The following CADM2 variants were observed in gnomAD, a reference collection of about 807,000 sequenced individuals.
The protein encoded by CADM2 is immunoglobulin superfamily member 4D.
Under a neutral mutation model 49.8 loss-of-function variants are expected in CADM2, and 12 were observed. The ratio of observed to expected loss-of-function variants is 0.24; its 90% CI spans 0.15 to 0.39. CADM2 has a LOEUF of 0.39. Among genes scored for constraint, CADM2 ranks in the 10% least tolerant of loss-of-function variants. CADM2 has a pLI of 1.00. For missense variants in CADM2, 378 were observed against 492.3 expected (o/e 0.77, Z 2.20); for synonymous variants, 214 against 175.4 (o/e 1.22, Z -1.74).
At chr3:84,965,942 T>G (rs2030947410) in intron 1 of CADM2, among the ~76,000 whole-genome samples, 1 of 152,204 alleles carries the variant, frequency 6.6e-6, no homozygotes, top group South Asian at 2.1e-4. Flanking sequence ...TCTGATATGT[T>G]CTCTAAAAAT....
chr3:85,063,598 T>C (rs1208921560), intron 1 of CADM2, among the ~76,000 whole-genome samples: 2 of 151,992 alleles, frequency 1.3e-5, no homozygotes, highest in Admixed American at 6.6e-5. Context: ...AGACAACTAA[T>C]AGAAGGTACA....
intron 1 of CADM2, among the ~76,000 whole-genome samples, chr3:85,615,355 C>T (rs939168889): frequency 5.9e-5 from 9 of 151,956 alleles, no homozygotes; most frequent in African/African-American, 2.2e-4. Context: ...GTGACTTTGT[C>T]AACCTTTGTA....
chr3:85,713,715 A>G (rs2067194442), intron 1 of CADM2, among the ~76,000 whole-genome samples: 1 of 152,204 alleles, frequency 6.6e-6, no homozygotes, highest in African/African-American at 2.4e-5. Context: ...CATCACATCT[A>G]AAGAATTTAA....
At chr3:84,969,003 T>C (rs1170377661) in intron 1 of CADM2, among the ~76,000 whole-genome samples, 1 of 152,022 alleles carries the variant, frequency 6.6e-6, no homozygotes, top group Admixed American at 6.6e-5. Flanking sequence ...GAGACAGACA[T>C]CTTTTTCTTA....
Position 85,787,489 on chromosome 3 carries a change from A to T in CADM2, c.89-14558A>T, listed in dbSNP as rs1167055752. Among the ~76,000 whole-genome samples, 3 of 152,186 alleles carry T rather than the reference A, an allele frequency of 2.0e-5. 1 individual carries two copies. In the East Asian group the frequency reaches 5.8e-4, roughly 29 times the overall value. On this transcript the variant is annotated intron_variant, in intron 2 of 9. Transcript: ENST00000383699. ...CATTCCTTGGTGTTGGACAAGGGGT[A>T]TTGGTTCCAGAACCCTGACTATACC...
At chr3:84,988,208 G>T (rs1221962518) in intron 1 of CADM2, among the ~76,000 whole-genome samples, 1 of 152,184 alleles carries the variant, frequency 6.6e-6, no homozygotes, top group Non-Finnish European at 1.5e-5. Context: ...AGAGGCATTT[G>T]CTTCTCCTGA....
intron 5 of CADM2, among the ~76,000 whole-genome samples, chr3:85,905,398 G>A (rs932449699): frequency 6.6e-6 from 1 of 152,096 alleles, no homozygotes; most frequent in African/African-American, 2.4e-5. Context: ...ATCAATTAAA[G>A]ACTGACAACT....
chr3:85,105,812 G>A (rs2038200024), intron 1 of CADM2, among the ~76,000 whole-genome samples: 1 of 152,100 alleles, frequency 6.6e-6, no homozygotes, highest in South Asian at 2.1e-4. Flanking sequence ...GATGAAATTG[G>A]AAATCATCAT....
At position 86,046,059 on chromosome 3, in the gene CADM2, C is replaced by T. The variant is rs116049628; in HGVS notation, c.971-19546C>T. Among the ~76,000 whole-genome samples the T allele has an allele frequency of 4.3e-3, 659 of 152,094 alleles. 2 individuals carry two copies. Among genetic ancestry groups the T allele is most frequent in the African/African-American group, 0.015 (625 of 41,492 alleles). ...GAATGTAGTTCAGTTCAATACTGAA[C>T]TGAGATTGAACAAAATGTAGCTGAA... On this transcript the variant is annotated intron_variant, in intron 8 of 9. Coordinates refer to ENST00000383699, the MANE Select transcript of CADM2 (RefSeq NM_001167675.2).
intron 1 of CADM2, among the ~76,000 whole-genome samples, chr3:85,725,157 G>A (rs2067650409): frequency 6.6e-6 from 1 of 151,810 alleles, no homozygotes; most frequent in Non-Finnish European, 1.5e-5. Flanking sequence ...TAGTTAAGAT[G>A]TTTTTGTCTG....
intron 1 of CADM2, among the ~76,000 whole-genome samples, chr3:85,012,430 C>A (rs1285879655): frequency 6.7e-6 from 1 of 149,702 alleles, no homozygotes; most frequent in African/African-American, 2.4e-5. Context: ...TTTTTTCAGC[C>A]CCTTAAGACT....
Position 85,121,267 on chromosome 3 carries a change from G to T in CADM2, c.61+161599G>T, listed in dbSNP as rs370688296. 7.9e-5 allele frequency among the ~76,000 whole-genome samples: 12 copies of T among 152,278 alleles called. 1 individual carries two copies. In the East Asian group the frequency reaches 1.9e-3, roughly 24 times the overall value. ...GAGATGTGAGCAAAGTATAACTTTG[G>T]TTATATGCTGCCGGTTTTTCATTAA... On this transcript the variant is annotated intron_variant, in intron 1 of 9. Coordinates refer to ENST00000383699, the MANE Select transcript of CADM2 (RefSeq NM_001167675.2).
At chr3:85,313,081 C>T (rs771677559) in intron 1 of CADM2, among the ~76,000 whole-genome samples, 57 of 152,128 alleles carry the variant, frequency 3.7e-4, no homozygotes, top group Non-Finnish European at 2.4e-4. Flanking sequence ...GCTAATGGCC[C>T]ACATAGTTCA....
At chr3:85,367,252 C>T (rs1232965666) in intron 1 of CADM2, among the ~76,000 whole-genome samples, 1 of 151,918 alleles carries the variant, frequency 6.6e-6, no homozygotes, top group African/African-American at 2.4e-5. Context: ...CTAACCAACA[C>T]ACAAGTAAAA....
At chr3:85,943,973 C>G (rs1407308356) in intron 7 of CADM2, among the ~76,000 whole-genome samples, 1 of 152,010 alleles carries the variant, frequency 6.6e-6, no homozygotes, top group Non-Finnish European at 1.5e-5. Context: ...AATACACACA[C>G]TGGCAAATTG....
chr3:85,061,551 G>A (rs1576139327), intron 1 of CADM2, among the ~76,000 whole-genome samples: 3 of 152,244 alleles, frequency 2.0e-5, no homozygotes, highest in South Asian at 4.1e-4. Context: ...TTTCCTTAAA[G>A]TCTATTAAAT....
chr3:85,961,644 C>A lies in CADM2; in HGVS notation c.967C>A (p.His323Asn). The A allele has an allele frequency of 6.5e-7, 1 of 1,528,278 alleles. No individual in the cohort carries two copies. Among genetic ancestry groups the A allele is most frequent in the Non-Finnish European group, 8.9e-7 (1 of 1,123,144 alleles). 94.7% of individuals were successfully genotyped at this position (1,528,278 alleles called of 1,614,324 possible). Residue 323 changes from histidine (H) to asparagine (N), a missense_variant, in exon 8 of 10, where the codon CAT becomes AAT. Coordinates refer to ENST00000383699, the MANE Select transcript of CADM2 (RefSeq NM_001167675.2). ...QSSAEYVLIV[H>N]DPNALAGQNG... ...CAGTGCGGAATATGTTCTCATTGTGCATGGTGAGTAAATTTTGGAAAACAT... is the reference window on the plus strand; with the variant it reads ...CAGTGCGGAATATGTTCTCATTGTGAATGGTGAGTAAATTTTGGAAAACAT...
intron 8 of CADM2, among the ~76,000 whole-genome samples, chr3:86,010,409 A>C (rs890018806): frequency 4.6e-5 from 7 of 151,758 alleles, no homozygotes; most frequent in South Asian, 2.1e-4. Context: ...AGAGTTATGC[A>C]CACTATTTTG....
At chr3:85,962,491 A>ATTC (rs59181721) in intron 8 of CADM2, among the ~76,000 whole-genome samples, 6,563 of 152,058 alleles carry the variant, frequency 0.043, 310 homozygotes, top group South Asian at 0.18. Flanking sequence ...TTGAGTAAAT[A>ATTC]TAACAAAATC....
Sources: gnomAD v4.1 joint callset for allele counts (sites outside exome capture counted in the v4.1 genomes callset) on GRCh38, gnomAD v4.1.1 for gene constraint, MANE v1.5 for transcripts, NCBI Gene and HGNC (gene_info 2026-07-23, HGNC 2026-07-21) for gene names.